Variants in KCNAB2 observed in about 807,000 individuals in gnomAD.
KCNAB2 encodes potassium voltage-gated channel subfamily A regulatory beta subunit 2.
KCNAB2 carries 29 observed loss-of-function variants against 63.6 expected under a neutral mutation model. That is an observed-to-expected ratio of 0.46 (90% CI 0.34 to 0.62). KCNAB2 has a LOEUF of 0.62. KCNAB2 is among the 20% of genes least tolerant of loss of function. The pLI, the probability that KCNAB2 is intolerant of heterozygous loss-of-function variation, is 0.01. For missense variants in KCNAB2, 359 were observed against 563.9 expected (o/e 0.64, Z 3.68); for synonymous variants, 222 against 224.2 (o/e 0.99, Z 0.09).
At chr1:6,015,029 T>TG (rs1381934385) in intron 1 of KCNAB2, among the ~76,000 whole-genome samples, 5 of 141,282 alleles carry the variant, frequency 3.5e-5, no homozygotes, top group Non-Finnish European at 7.7e-5. Context: ...TTTTTTTTTT[T>TG]TTTTTTTTTT....
intron 6 of KCNAB2, among the ~76,000 whole-genome samples, 178 bp downstream of exon 6, chr1:6,085,426 A>G (rs1664614970): frequency 6.6e-6 from 1 of 152,050 alleles, no homozygotes; most frequent in Non-Finnish European, 1.5e-5. Context: ...TCTGCTTGAG[A>G]AAGAAGTTGA....
intron 5 of KCNAB2, among the ~76,000 whole-genome samples, chr1:6,084,881 A>G (rs1176549858): frequency 6.6e-6 from 1 of 151,922 alleles, no homozygotes; most frequent in East Asian, 1.9e-4. Flanking sequence ...TCCCTGGTGA[A>G]TTTTCAGCTG....
At chr1:6,085,821 T>C (rs3747978) in intron 6 of KCNAB2, 317,869 of 986,286 alleles carry the variant, frequency 0.32, 52,477 homozygotes, top group Admixed American at 0.35. Context: ...CCGGCAGGGC[T>C]ATCCTGAGGG....
Position 6,073,694 on chromosome 1 carries a change from TG to T in KCNAB2, c.263-38del, listed in dbSNP as rs1571030493. The T allele has an allele frequency of 6.2e-7, 1 of 1,610,748 alleles. No individual in the cohort carries two copies. Among genetic ancestry groups the T allele is most frequent in the East Asian group, 2.2e-5 (1 of 44,846 alleles). On this transcript the variant is annotated intron_variant, in intron 3 of 15. Transcript: ENST00000378083. The surrounding 1 kb of genome is among the most constrained non-coding windows in gnomAD (Gnocchi z 5.7). ...GCACCGACGGGATAATCTGGCTTCCTGCCAGGTTCCTAACTTGAGCCCCTGT... is the reference window on the plus strand; with the variant it reads ...GCACCGACGGGATAATCTGGCTTCCTCCAGGTTCCTAACTTGAGCCCCTGT...
intron 1 of KCNAB2, among the ~76,000 whole-genome samples, chr1:6,022,646 T>C (rs145234474): frequency 2.6e-5 from 4 of 152,126 alleles, no homozygotes; most frequent in Non-Finnish European, 5.9e-5. Context: ...GAACTTCCCA[T>C]TCCCCCTCCC....
At position 6,086,796 on chromosome 1, in the gene KCNAB2, C is replaced by T. The variant is rs568158838; in HGVS notation, c.426-671C>T. Among the ~76,000 whole-genome samples the T allele has an allele frequency of 6.6e-6, 1 of 152,276 alleles. No individual in the cohort carries two copies. Among genetic ancestry groups the T allele is most frequent in the South Asian group, 2.1e-4 (1 of 4,820 alleles). Reference sequence around the variant, plus strand: ...GCCTCAGCTACTCAAACCCAGAACCCCACTGGCCTGGCCACACTTGGGCTC... The same window carrying T: ...GCCTCAGCTACTCAAACCCAGAACCTCACTGGCCTGGCCACACTTGGGCTC... On this transcript the variant is annotated intron_variant, in intron 6 of 15. Coordinates refer to ENST00000378083, the MANE Select transcript of KCNAB2 (RefSeq NM_001199862.2). The surrounding 1 kb of genome is among the most constrained non-coding windows in gnomAD (Gnocchi z 4.2).
chr1:5,994,303 T>A lies in KCNAB2; in HGVS notation c.-53+1515T>A, dbSNP rs1656794118. Among the ~76,000 whole-genome samples the A allele has an allele frequency of 6.6e-6, 1 of 152,204 alleles. No individual in the cohort carries two copies. The highest frequency in any genetic ancestry group is 1.5e-5 in the Non-Finnish European group (1 of 68,028). On this transcript the variant is annotated intron_variant, in intron 1 of 16. Coordinates refer to the KCNAB2 transcript ENST00000341524. The surrounding 1 kb of genome is among the most constrained non-coding windows in gnomAD (Gnocchi z 5.4). ...GGGGACCTACGTGTGGAGAGTCACA[T>A]CTGCCCACCTGATTCTCGCCTGGCG...
intron 2 of KCNAB2, among the ~76,000 whole-genome samples, chr1:6,052,992 A>G (rs1163820721): frequency 1.3e-5 from 2 of 152,118 alleles, no homozygotes; most frequent in East Asian, 3.9e-4. Flanking sequence ...AGTGCAGGCC[A>G]GGACCGCTCC....
At chr1:6,045,331 C>G (rs557064499), upstream of KCNAB2, among the ~76,000 whole-genome samples, 2 of 152,072 alleles carry the variant, frequency 1.3e-5, no homozygotes, top group Non-Finnish European at 2.9e-5. The surrounding 1 kb of genome is among the most constrained non-coding windows in gnomAD (Gnocchi z 4.8). Context: ...ACGCAGTGAC[C>G]CTGGGGGTCA....
upstream of KCNAB2, among the ~76,000 whole-genome samples, chr1:6,043,412 C>T (rs1013567105): frequency 1.3e-5 from 2 of 152,062 alleles, no homozygotes; most frequent in Non-Finnish European, 2.9e-5. Flanking sequence ...AACATGTTGT[C>T]CCCCCCGCCG....
intron 1 of KCNAB2, among the ~76,000 whole-genome samples, chr1:6,051,170 C>G (rs559050392): frequency 6.6e-5 from 10 of 152,360 alleles, no homozygotes; most frequent in Admixed American, 6.5e-4. Context: ...TTGGGGGGCT[C>G]AGGCTCTGCA....
chr1:6,065,607 G>T (rs573966070), intron 2 of KCNAB2, among the ~76,000 whole-genome samples: 1 of 152,134 alleles, frequency 6.6e-6, no homozygotes, highest in Non-Finnish European at 1.5e-5. Context: ...ACCAGAGAGA[G>T]CCCTCCCTTC....
intron 1 of KCNAB2, among the ~76,000 whole-genome samples, chr1:6,049,018 C>T (rs778520615): frequency 3.3e-5 from 5 of 152,220 alleles, no homozygotes; most frequent in South Asian, 2.1e-4. Context: ...CCTGCTTTAG[C>T]GTCCAGAGGT....
Position 6,087,428 on chromosome 1 carries a change from C to T in KCNAB2, c.426-39C>T, listed in dbSNP as rs750546609. 21 of 1,609,964 alleles carry T rather than the reference C, an allele frequency of 1.3e-5. No homozygotes were observed. The highest frequency in any genetic ancestry group is 6.7e-5 in the East Asian group (3 of 44,878). ...GGATGAAGGAGGACCCCCCAGGGGC[C>T]GGGCTTATCACACCCCTTCTTTCTC... On this transcript the variant is annotated intron_variant, in intron 6 of 15. Transcript: ENST00000378083. This position sits in a 1 kb window ranked among gnomAD's most constrained non-coding sequence, Gnocchi z 6.4.
chr1:6,064,020 C>G (rs551683616), intron 2 of KCNAB2, among the ~76,000 whole-genome samples: 79 of 152,324 alleles, frequency 5.2e-4, no homozygotes, highest in African/African-American at 1.8e-3. Flanking sequence ...AAGAACACCC[C>G]TGGGGAAGAG....
rs566310584 is a variant in KCNAB2 at position 6,048,965 on chromosome 1, G to A, written c.-26-2546G>A. Among the ~76,000 whole-genome samples the A allele has an allele frequency of 1.0e-3, 159 of 152,348 alleles. 1 individual carries two copies. The highest frequency in any genetic ancestry group is 3.5e-3 in the African/African-American group (147 of 41,582). ...TCCGGGCCTCTCTGCCCTCCAGAGCGATTCTCCTGGAAGGCAGACGGCTTT... is the reference window on the plus strand; with the variant it reads ...TCCGGGCCTCTCTGCCCTCCAGAGCAATTCTCCTGGAAGGCAGACGGCTTT... On this transcript the variant is annotated intron_variant, in intron 1 of 15. Transcript: ENST00000378083.
Position 6,072,803 on chromosome 1 carries a change from G to A in KCNAB2, c.262+5G>A. The A allele has an allele frequency of 6.2e-7, 1 of 1,613,718 alleles. No homozygotes were observed. Among genetic ancestry groups the A allele is most frequent in the Non-Finnish European group, 8.5e-7 (1 of 1,179,710 alleles). ...GGGTCTCCTGCCTGGGACTTGGTGA[G>A]TGTGGGGGTCCCCTCCGTCCCACCA... On this transcript the variant is annotated splice_donor_5th_base_variant and intron_variant, in intron 3 of 15. Transcript: ENST00000378083.
chr1:6,099,766 G>T lies in KCNAB2; in HGVS notation c.*1192G>T, dbSNP rs918754969. 5.0e-5 allele frequency: 73 copies of T among 1,463,254 alleles called. 1 individual carries two copies. The highest frequency in any genetic ancestry group is 1.1e-4 in the Admixed American group (4 of 37,542). The allele number at this position is 1,463,254 out of a possible 1,614,324, so 90.6% of individuals were successfully genotyped here. The stretch of plus-strand genomic sequence containing the variant: ...AAAGACCTCAGGGAACCTCTCCCTG[G>T]AAAGACGGGCAGGGCTGGTTAGCCC... On this transcript the variant is annotated 3_prime_UTR_variant, in exon 16 of 16. Transcript: ENST00000378083.
At chr1:6,083,690 G>A (rs1191126657) in intron 5 of KCNAB2, among the ~76,000 whole-genome samples, 1 of 152,266 alleles carries the variant, frequency 6.6e-6, no homozygotes, top group Admixed American at 6.5e-5. Context: ...GCTGGGCGCT[G>A]CGTGCCGGGG....
Sources: allele counts gnomAD v4.1 joint callset (sites outside exome capture counted in the v4.1 genomes callset), GRCh38; gene constraint gnomAD v4.1.1; non-coding constraint Gnocchi (gnomAD v3.1); transcripts MANE v1.5; gene names NCBI Gene and HGNC (gene_info 2026-07-23, HGNC 2026-07-21).